Variants in CAST observed in about 807,000 individuals in gnomAD.
The protein encoded by CAST is calpastatin.
A neutral mutation model predicts 119.6 loss-of-function variants in CAST; 76 were observed. That is an observed-to-expected ratio of 0.64 (90% CI 0.53 to 0.77). CAST has a LOEUF of 0.77. Ranked by LOEUF, CAST falls within the 30% of genes least tolerant of loss-of-function variation. The pLI, the probability that CAST is intolerant of heterozygous loss-of-function variation, is 0.00. For synonymous variants in CAST, 319 were observed against 331.6 expected (o/e 0.96, Z 0.41); for missense variants, 953 against 946.5 (o/e 1.01, Z -0.09).
intron 1 of CAST, chr5:96,584,651 T>C (rs1746825881): frequency 6.6e-6 from 1 of 152,198 alleles, no homozygotes; most frequent in Non-Finnish European, 1.5e-5. Context: ...GAGTGCAGCC[T>C]TCACCTCTAG....
At chr5:96,004,095 T>C in the CAST span, among the ~76,000 whole-genome samples, 2 of 152,160 alleles carry the variant, frequency 1.3e-5, no homozygotes, top group South Asian at 4.1e-4. Flanking sequence ...TGTAAGTTGA[T>C]TTGGGCTTTA....
At chr5:96,513,227 G>A in the CAST span, among the ~76,000 whole-genome samples, 4 of 152,210 alleles carry the variant, frequency 2.6e-5, no homozygotes, top group Non-Finnish European at 2.9e-5. Flanking sequence ...TTTGCATCCT[G>A]TAGCTTCTGT....
At chr5:96,628,981 TG>T (rs1747772656) in intron 1 of CAST, among the ~76,000 whole-genome samples, 1 of 152,156 alleles carries the variant, frequency 6.6e-6, no homozygotes, top group South Asian at 2.1e-4. Flanking sequence ...AGCTCCCCTC[TG>T]GGTGGGCCAA....
chr5:96,036,290 GA>G, the CAST span, among the ~76,000 whole-genome samples: 1 of 151,888 alleles, frequency 6.6e-6, no homozygotes, highest in African/African-American at 2.4e-5. Context: ...AAAAGATTTT[GA>G]ACTAAATGAA....
intron 1 of CAST, among the ~76,000 whole-genome samples, chr5:96,544,728 G>T (rs778957374): frequency 6.6e-6 from 1 of 151,734 alleles, no homozygotes; most frequent in African/African-American, 2.4e-5. Flanking sequence ...GAGTAGAAAA[G>T]AGTTAAAAAT....
intron 1 of CAST, among the ~76,000 whole-genome samples, chr5:96,562,520 C>T (rs1296412631): frequency 1.3e-5 from 2 of 152,164 alleles, no homozygotes; most frequent in Non-Finnish European, 2.9e-5. Flanking sequence ...AGCTGTCATA[C>T]ATACTGGGCG....
chr5:96,330,638 G>A, the CAST span, among the ~76,000 whole-genome samples: 1 of 152,168 alleles, frequency 6.6e-6, no homozygotes, highest in Non-Finnish European at 1.5e-5. Flanking sequence ...GACTTCAGTC[G>A]CTCTAAAGCT....
the CAST span, chr5:96,423,294 T>C: frequency 6.3e-7 from 1 of 1,599,000 alleles, no homozygotes; most frequent in South Asian, 1.1e-5. Context: ...GTCACAGTCA[T>C]GAGAAGGCAC....
chr5:96,727,458 CCTTT>C (rs1759473063), intron 5 of CAST, 27 bp from the exon 6 acceptor site: 4 of 1,284,170 alleles, frequency 3.1e-6, no homozygotes, highest in African/African-American at 1.5e-5. Context: ...TTTCTTCCTT[CCTTT>C]TTTTCTTTCT....
chr5:96,055,011 T>C, the CAST span, among the ~76,000 whole-genome samples: 1 of 152,162 alleles, frequency 6.6e-6, no homozygotes, highest in East Asian at 1.9e-4. Context: ...AAACATTAGC[T>C]ATTCTTCATT....
chr5:96,348,160 T>G, the CAST span, among the ~76,000 whole-genome samples: 10 of 152,044 alleles, frequency 6.6e-5, no homozygotes, highest in Admixed American at 6.6e-4. Context: ...AAGGGCAGTA[T>G]CAGTGGCATG....
chr5:96,242,603 C>T, the CAST span, among the ~76,000 whole-genome samples: 2 of 152,114 alleles, frequency 1.3e-5, no homozygotes, highest in Non-Finnish European at 2.9e-5. Context: ...TATGTATTTC[C>T]TTTTTATCTG....
At chr5:96,360,628 C>T in the CAST span, among the ~76,000 whole-genome samples, 1 of 152,276 alleles carries the variant, frequency 6.6e-6, no homozygotes, top group East Asian at 1.9e-4. Flanking sequence ...ATGTCCATTC[C>T]AGATCCTGTT....
At chr5:96,358,318 G>C in the CAST span, among the ~76,000 whole-genome samples, 1 of 152,058 alleles carries the variant, frequency 6.6e-6, no homozygotes, top group African/African-American at 2.4e-5. Context: ...GGTTTTTCGA[G>C]TCTCTATCTC....
chr5:96,704,978 AT>A (rs1196780091), intron 3 of CAST, among the ~76,000 whole-genome samples: 2 of 152,226 alleles, frequency 1.3e-5, no homozygotes, highest in African/African-American at 4.8e-5. Context: ...ATGCATTTAA[AT>A]GAACTTTGGT....
At chr5:96,363,192 A>C in the CAST span, among the ~76,000 whole-genome samples, 1 of 149,088 alleles carries the variant, frequency 6.7e-6, no homozygotes, top group Non-Finnish European at 1.5e-5. Context: ...CCATTGGTCT[A>C]TATCTCTGTT....
chr5:96,017,053 G>A, the CAST span, among the ~76,000 whole-genome samples: 12 of 151,996 alleles, frequency 7.9e-5, no homozygotes, highest in African/African-American at 2.9e-4. Flanking sequence ...AGCCAGGATG[G>A]TCTCGATCTC....
the CAST span, among the ~76,000 whole-genome samples, chr5:95,993,245 C>T: frequency 6.6e-6 from 1 of 152,082 alleles, no homozygotes; most frequent in Non-Finnish European, 1.5e-5. Context: ...TTGATCCTTA[C>T]CTTAGACCCT....
chr5:96,476,022 G>A, the CAST span, among the ~76,000 whole-genome samples: 1 of 152,192 alleles, frequency 6.6e-6, no homozygotes, highest in Admixed American at 6.5e-5. Flanking sequence ...TTCATCTTGA[G>A]CAGGAAAAGA....
Sources: allele counts gnomAD v4.1 joint callset (sites outside exome capture counted in the v4.1 genomes callset), GRCh38; gene constraint gnomAD v4.1.1; transcripts MANE v1.5; gene names NCBI Gene and HGNC (gene_info 2026-07-23, HGNC 2026-07-21).